NRG3: variants seen among roughly 807,000 people sequenced by gnomAD.
NRG3 encodes the protein neuregulin 3.
Under a neutral mutation model 66.9 loss-of-function variants are expected in NRG3, and 31 were observed. That is an observed-to-expected ratio of 0.46 (90% CI 0.35 to 0.63). The LOEUF (loss-of-function observed/expected upper bound fraction) is 0.63. Among genes scored for constraint, NRG3 ranks in the 20% least tolerant of loss-of-function variants. The probability of loss-of-function intolerance (pLI) is 0.00; values close to 1 mark genes in which losing one functional copy is unlikely to be tolerated. For synonymous variants in NRG3, 393 were observed against 359.4 expected, an observed-to-expected ratio of 1.09 and a Z score of -1.06; for missense variants, 910 against 878.9, an observed-to-expected ratio of 1.04 and a Z score of -0.45.
intron 3 of NRG3, among the ~76,000 whole-genome samples, chr10:82,740,115 T>C (rs2058349554): frequency 6.8e-6 from 1 of 146,158 alleles, no homozygotes; most frequent in South Asian, 2.1e-4. Flanking sequence ...CATTATTTTG[T>C]CTCCTTTAAT....
At chr10:82,723,687 A>C (rs1354751790) in intron 2 of NRG3, among the ~76,000 whole-genome samples, 1 of 152,186 alleles carries the variant, frequency 6.6e-6, no homozygotes, top group African/African-American at 2.4e-5. Flanking sequence ...TTGTCTTTAA[A>C]AACATAAATA....
At chr10:82,108,005 A>G (rs2067171659) in intron 1 of NRG3, among the ~76,000 whole-genome samples, 2 of 152,168 alleles carry the variant, frequency 1.3e-5, no homozygotes, top group Admixed American at 1.3e-4. Flanking sequence ...TGTGAGGTCT[A>G]CTTTGGCAAT....
chr10:82,231,772 TAAAACATG>T (rs2076479668), intron 1 of NRG3, among the ~76,000 whole-genome samples: 1 of 152,178 alleles, frequency 6.6e-6, no homozygotes, highest in Non-Finnish European at 1.5e-5. Context: ...AGAAGACCAC[TAAAACATG>T]ATTGATTTCA....
intron 2 of NRG3, among the ~76,000 whole-genome samples, chr10:82,575,800 A>G (rs1347330950): frequency 6.6e-6 from 1 of 151,794 alleles, no homozygotes; most frequent in East Asian, 1.9e-4. Flanking sequence ...TTTTAGCAAC[A>G]TAATTTCGGA....
intron 4 of NRG3, among the ~76,000 whole-genome samples, chr10:82,930,891 A>G (rs903027282): frequency 2.0e-5 from 3 of 152,116 alleles, no homozygotes; most frequent in Non-Finnish European, 4.4e-5. Context: ...CTTAGGTCTA[A>G]ATGACATGCT....
intron 2 of NRG3, among the ~76,000 whole-genome samples, chr10:82,414,406 T>A (rs548902614): frequency 3.3e-5 from 5 of 152,140 alleles, no homozygotes; most frequent in Non-Finnish European, 7.4e-5. Flanking sequence ...TTTACGGTAG[T>A]AACCTCTTAA....
chr10:82,195,483 G>A (rs2074396858), intron 1 of NRG3, among the ~76,000 whole-genome samples: 4 of 152,086 alleles, frequency 2.6e-5, no homozygotes, highest in Admixed American at 2.6e-4. Context: ...CTTTGTTGTG[G>A]TGTCTGATAG....
At chr10:82,967,625 C>T (rs1032006172) in intron 6 of NRG3, among the ~76,000 whole-genome samples, 6 of 152,116 alleles carry the variant, frequency 3.9e-5, no homozygotes, top group Non-Finnish European at 8.8e-5. Context: ...TTACGTGAGA[C>T]GGAAAGGCTA....
At chr10:82,033,172 A>C (rs977732029) in intron 1 of NRG3, among the ~76,000 whole-genome samples, 1 of 152,150 alleles carries the variant, frequency 6.6e-6, no homozygotes, top group African/African-American at 2.4e-5. Flanking sequence ...GTCAGACAGA[A>C]TGTTGCATTT....
At chr10:82,302,743 T>C (rs2080474383) in intron 1 of NRG3, among the ~76,000 whole-genome samples, 3 of 152,164 alleles carry the variant, frequency 2.0e-5, no homozygotes, top group Admixed American at 2.0e-4. Context: ...GATGACAAGA[T>C]TTCGAGTAAC....
chr10:82,135,705 C>T (rs571299964), intron 1 of NRG3, among the ~76,000 whole-genome samples: 4 of 152,090 alleles, frequency 2.6e-5, no homozygotes, highest in Admixed American at 6.5e-5. Context: ...TCAATCTTTT[C>T]GTTAAATTTA....
chr10:82,721,635 C>G (rs1014935639), intron 2 of NRG3, among the ~76,000 whole-genome samples: 1 of 151,008 alleles, frequency 6.6e-6, no homozygotes, highest in African/African-American at 2.4e-5. Context: ...GTTGGTCAGG[C>G]TCGTCTGGAA....
chr10:82,902,691 T>C (rs1844346445), intron 4 of NRG3, among the ~76,000 whole-genome samples: 1 of 152,148 alleles, frequency 6.6e-6, no homozygotes, highest in Admixed American at 6.5e-5. Flanking sequence ...TCTGTATACA[T>C]TATTATATGT....
intron 4 of NRG3, among the ~76,000 whole-genome samples, chr10:82,914,700 T>A (rs949653008): frequency 2.0e-5 from 3 of 152,058 alleles, no homozygotes; most frequent in African/African-American, 7.2e-5. Context: ...AGCTCAATCC[T>A]CTAGTGGGCT....
chr10:82,017,100 A>G (rs1471871298), intron 1 of NRG3, among the ~76,000 whole-genome samples: 1 of 151,892 alleles, frequency 6.6e-6, no homozygotes, highest in Non-Finnish European at 1.5e-5. Context: ...CCACCCCACA[A>G]CAGGCCCCGG....
chr10:82,614,564 G>T (rs2048518780), intron 2 of NRG3, among the ~76,000 whole-genome samples: 1 of 152,108 alleles, frequency 6.6e-6, no homozygotes, highest in African/African-American at 2.4e-5. Flanking sequence ...GCAGTTTAAT[G>T]CTTTATTAAT....
intron 6 of NRG3, among the ~76,000 whole-genome samples, chr10:82,970,760 G>T (rs1397251197): frequency 1.3e-5 from 2 of 151,956 alleles, no homozygotes; most frequent in Non-Finnish European, 2.9e-5. Flanking sequence ...TGGTCTCTAG[G>T]TGTTTTGTCC....
intron 2 of NRG3, among the ~76,000 whole-genome samples, chr10:82,646,902 C>A (rs992731910): frequency 6.6e-6 from 1 of 151,730 alleles, no homozygotes; most frequent in Non-Finnish European, 1.5e-5. Flanking sequence ...CCTTTATCTT[C>A]CCACAGGGAC....
intron 1 of NRG3, among the ~76,000 whole-genome samples, chr10:81,888,623 A>G (rs946715866): frequency 6.6e-6 from 1 of 152,114 alleles, no homozygotes; most frequent in Non-Finnish European, 1.5e-5. Context: ...AGGCCCAGGG[A>G]GGGAAAGGTC....
Sources: gnomAD v4.1 joint callset for allele counts (sites outside exome capture counted in the v4.1 genomes callset) on GRCh38, gnomAD v4.1.1 for gene constraint, MANE v1.5 for transcripts, NCBI Gene and HGNC (gene_info 2026-07-23, HGNC 2026-07-21) for gene names.